The following SNX6 variants were observed in gnomAD, a reference collection of about 807,000 sequenced individuals.
SNX6 encodes the protein sorting nexin 6, also known as sorting nexin-6.
In SNX6, 34 loss-of-function variants were observed where a neutral mutation model predicts 63.0. That is an observed-to-expected ratio of 0.54 (90% CI 0.41 to 0.72). The LOEUF (loss-of-function observed/expected upper bound fraction) is 0.72. Ranked by LOEUF, SNX6 falls within the 30% of genes least tolerant of loss-of-function variation. The pLI, the probability that SNX6 is intolerant of heterozygous loss-of-function variation, is 0.00. For synonymous variants in SNX6, 170 were observed against 164.2 expected (o/e 1.04, Z -0.27); for missense variants, 398 against 471.4 (o/e 0.84, Z 1.44).
chr14:34,575,631 T>C (rs1881663672), intron 11 of SNX6, 125 bp downstream of exon 11: 2 of 457,392 alleles, frequency 4.4e-6, no homozygotes, highest in South Asian at 5.8e-5. Context: ...GAAATAGAAT[T>C]CATATTTGAA....
At chr14:34,620,401 GC>G (rs1293960008) in intron 2 of SNX6, among the ~76,000 whole-genome samples, 1 of 152,046 alleles carries the variant, frequency 6.6e-6, no homozygotes, top group East Asian at 1.9e-4. Context: ...GATCACTTGA[GC>G]CCCAGGAGGT....
intron 4 of SNX6, 136 bp from the exon 5 acceptor site, chr14:34,605,853 C>G: frequency 9.2e-7 from 1 of 1,086,750 alleles, no homozygotes; most frequent in South Asian, 2.0e-5. Flanking sequence ...CACCCAAATT[C>G]AGATTGGAGA....
intron 2 of SNX6, among the ~76,000 whole-genome samples, chr14:34,610,868 TA>T (rs1883201075): frequency 6.6e-6 from 1 of 152,190 alleles, no homozygotes; most frequent in Admixed American, 6.6e-5. Flanking sequence ...ACCTAGGACT[TA>T]GAGAATCTCA....
At chr14:34,619,445 TAG>T (rs368306371) in intron 2 of SNX6, among the ~76,000 whole-genome samples, 116 of 147,612 alleles carry the variant, frequency 7.9e-4, no homozygotes, top group Admixed American at 1.1e-3. Flanking sequence ...TATATATATT[TAG>T]AGAGAGAGAG....
At chr14:34,625,157 C>T (rs1433959676) in intron 2 of SNX6, among the ~76,000 whole-genome samples, 2 of 152,062 alleles carry the variant, frequency 1.3e-5, no homozygotes, top group Non-Finnish European at 2.9e-5. Flanking sequence ...CCTCGTGATC[C>T]ACCCACCTCT....
intron 2 of SNX6, among the ~76,000 whole-genome samples, chr14:34,613,483 C>A (rs1412501481): frequency 6.6e-6 from 1 of 152,124 alleles, no homozygotes; most frequent in Non-Finnish European, 1.5e-5. Flanking sequence ...AAGAATCAAC[C>A]TGGTTGCTTG....
At chr14:34,627,453 CA>C (rs1289371850) in intron 2 of SNX6, among the ~76,000 whole-genome samples, 3,316 of 134,844 alleles carry the variant, frequency 0.025, 88 homozygotes, top group African/African-American at 0.072. Flanking sequence ...GACTCCGTTT[CA>C]AAAAAAAAAA....
At chr14:34,578,812 A>G (rs1244646779) in intron 10 of SNX6, among the ~76,000 whole-genome samples, 6 of 141,686 alleles carry the variant, frequency 4.2e-5, no homozygotes, top group Non-Finnish European at 6.2e-5. Flanking sequence ...GGAGGCGTGC[A>G]CCTGTAGTCC....
intron 2 of SNX6, 174 bp downstream of exon 2, chr14:34,629,733 C>G (rs1883967935): frequency 9.1e-7 from 1 of 1,092,998 alleles, no homozygotes; most frequent in Non-Finnish European, 1.3e-6. Flanking sequence ...CCGAGCGGCC[C>G]CTAGGGAGGA....
At chr14:34,617,263 T>A (rs186424889) in intron 2 of SNX6, among the ~76,000 whole-genome samples, 10 of 152,192 alleles carry the variant, frequency 6.6e-5, no homozygotes, top group African/African-American at 2.2e-4. Flanking sequence ...GACAAAAAAA[T>A]ATGGATTAAG....
intron 2 of SNX6, among the ~76,000 whole-genome samples, chr14:34,619,986 C>T: frequency 6.6e-6 from 1 of 152,132 alleles, no homozygotes; most frequent in East Asian, 1.9e-4. Flanking sequence ...GCTGGGATTA[C>T]AGGCATGAGC....
chr14:34,604,486 A>G (rs11620697), intron 5 of SNX6, among the ~76,000 whole-genome samples: 2,236 of 152,312 alleles, frequency 0.015, 44 homozygotes, highest in African/African-American at 0.045. Context: ...GTGTGAATAT[A>G]TAACTAAAAA....
At chr14:34,587,541 A>G (rs1882223895) in intron 8 of SNX6, among the ~76,000 whole-genome samples, 1 of 149,922 alleles carries the variant, frequency 6.7e-6, no homozygotes, top group Non-Finnish European at 1.5e-5. Flanking sequence ...TCAAAAAAAA[A>G]AAAAAAAAAA....
intron 8 of SNX6, among the ~76,000 whole-genome samples, chr14:34,591,257 T>C (rs762481969): frequency 8.5e-5 from 13 of 152,134 alleles, no homozygotes; most frequent in Non-Finnish European, 1.5e-4. Context: ...CTGGTCTATT[T>C]TGCACTTTGA....
chr14:34,581,957 T>G (rs943049261), intron 9 of SNX6, among the ~76,000 whole-genome samples: 1 of 152,006 alleles, frequency 6.6e-6, no homozygotes, highest in African/African-American at 2.4e-5. Flanking sequence ...GCCTCCCGAA[T>G]AGCTGGGACT....
chr14:34,576,748 C>G (rs910189453), intron 10 of SNX6, among the ~76,000 whole-genome samples: 3 of 151,786 alleles, frequency 2.0e-5, no homozygotes, highest in African/African-American at 7.3e-5. Context: ...CATGCCCAGT[C>G]AGACTCTATA....
At chr14:34,625,179 T>A (rs548117661) in intron 2 of SNX6, among the ~76,000 whole-genome samples, 10 of 152,136 alleles carry the variant, frequency 6.6e-5, no homozygotes, top group Non-Finnish European at 1.3e-4. Context: ...CCTCCCAAAG[T>A]GTTGGGATTA....
chr14:34,563,884 G>A (rs1050630299), intron 13 of SNX6, among the ~76,000 whole-genome samples: 1 of 152,114 alleles, frequency 6.6e-6, no homozygotes, highest in Non-Finnish European at 1.5e-5. Context: ...GATTACAGGT[G>A]TCTGCCACCA....
rs1245206932 is a variant in SNX6, at chr14:34,562,999, T to C, written c.*123A>G. On this transcript the variant is annotated 3_prime_UTR_variant, in exon 14 of 14. Transcript: ENST00000362031. The stretch of plus-strand genomic sequence containing the variant: ...CCATGTTTCTCAGAAAAAGAGGAGT[T>C]GATGCACTTTTTCAGCTGCTTTTTG... 5 of 930,978 alleles carry C rather than the reference T, an allele frequency of 5.4e-6. No individual in the cohort carries two copies. The highest frequency in any genetic ancestry group is 2.3e-5 in the Admixed American group (1 of 43,238). The allele number at this position is 930,978 out of a possible 1,614,324, so 57.7% of individuals were successfully genotyped here.
Sources: allele counts gnomAD v4.1 joint callset (sites outside exome capture counted in the v4.1 genomes callset), GRCh38; gene constraint gnomAD v4.1.1; transcripts MANE v1.5; gene names NCBI Gene and HGNC (gene_info 2026-07-23, HGNC 2026-07-21).